PER3: variants seen among roughly 807,000 people sequenced by gnomAD.
PER3 encodes the protein period circadian regulator 3.
In PER3, 107 loss-of-function variants were observed where a neutral mutation model predicts 127.2. The observed-to-expected ratio is 0.84, with a 90% CI of 0.72 to 0.99. PER3 has a LOEUF of 0.99. Among genes scored for constraint, PER3 ranks in the 50% least tolerant of loss-of-function variants. The pLI is 0.00. For missense variants in PER3, 1,560 were observed against 1,525.8 expected (o/e 1.02, Z -0.37); for synonymous variants, 618 against 585.8 (o/e 1.05, Z -0.79).
chr1:7,786,421 T>C (rs1487137231), intron 3 of PER3, among the ~76,000 whole-genome samples: 1 of 152,242 alleles, frequency 6.6e-6, no homozygotes, highest in African/African-American at 2.4e-5. Context: ...TGTTCCTGAA[T>C]GACAGAGTAC....
intron 5 of PER3, among the ~76,000 whole-genome samples, chr1:7,791,251 CT>C (rs1367226883): frequency 7.2e-5 from 11 of 152,242 alleles, no homozygotes; most frequent in African/African-American, 2.7e-4. Context: ...CCTCTGAAAT[CT>C]AGGCAGAGGT....
chr1:7,794,655 A>G (rs1356372305), intron 6 of PER3, among the ~76,000 whole-genome samples: 1 of 152,100 alleles, frequency 6.6e-6, no homozygotes, highest in Non-Finnish European at 1.5e-5. Flanking sequence ...CACATTTAAA[A>G]TTAATTTTTG....
At chr1:7,802,963 T>A (rs1424465784) in intron 8 of PER3, 84 bp from the exon 9 acceptor site, 2 of 816,314 alleles carry the variant, frequency 2.5e-6, no homozygotes, top group Non-Finnish European at 4.4e-6. Context: ...GTCTCACATT[T>A]AGAATGAAAT....
At position 7,843,965 on chromosome 1, in the gene PER3, AAAC is replaced by A. The variant is rs1419828063; in HGVS notation, c.*1213_*1215del. On this transcript the variant is annotated 3_prime_UTR_variant, in exon 22 of 22. Transcript: ENST00000377532. ...AATTCACACCCCTGCAGATCAGAAAAAACAAATAGAAGAAAATGAGGGTTACAG... is the reference window on the plus strand; with the variant it reads ...AATTCACACCCCTGCAGATCAGAAAAAAATAGAAGAAAATGAGGGTTACAG... 7.8e-7 allele frequency: 1 copy of A among 1,274,386 alleles called. No homozygotes were observed. Among genetic ancestry groups the A allele is most frequent in the Admixed American group, 2.5e-5 (1 of 39,480 alleles). 78.9% of individuals were successfully genotyped at this position (1,274,386 alleles called of 1,614,324 possible).
At chr1:7,818,993 T>C (rs1019608263) in intron 13 of PER3, among the ~76,000 whole-genome samples, 2 of 152,264 alleles carry the variant, frequency 1.3e-5, no homozygotes, top group African/African-American at 2.4e-5. Flanking sequence ...CTTAAACCTA[T>C]GGTTTCATTC....
In PER3 at chr1:7,842,507, A is replaced by T. The variant is rs1483631366; in HGVS notation, c.3550-165A>T. ...ACCGCAAGACTCTGTCTCAAAAAAA[A>T]AAATAAAAATAGTTATAATAATAAT... On this transcript the variant is annotated intron_variant, in intron 21 of 21. Coordinates refer to ENST00000377532, the MANE Select transcript of PER3 (RefSeq NM_001377275.1). 4 of 502,484 alleles carry T rather than the reference A, an allele frequency of 8.0e-6. No homozygotes were observed. In the South Asian group the frequency reaches 2.6e-4, roughly 32 times the overall value. The allele number at this position is 502,484 out of a possible 1,614,324, so 31.1% of individuals were successfully genotyped here. A position where few individuals can be genotyped will look rare whatever the true frequency, so the allele number is the denominator to read the frequency against.
intron 13 of PER3, among the ~76,000 whole-genome samples, chr1:7,816,742 G>C (rs945698759): frequency 6.6e-6 from 1 of 152,206 alleles, no homozygotes; most frequent in African/African-American, 2.4e-5. Context: ...AAATTGTACA[G>C]CCACTTTGGG....
Position 7,835,953 on chromosome 1 carries a change from A to C in PER3, c.3398+8A>C. The stretch of plus-strand genomic sequence containing the variant: ...ATACCAGGTACCTGAGAGGTAAGAA[A>C]GCACTTTAGAAAACCCACTTTTTAT... On this transcript the variant is annotated splice_region_variant and intron_variant, in intron 20 of 21. Transcript: ENST00000377532. 1 of 1,544,332 alleles carries C rather than the reference A, an allele frequency of 6.5e-7. No individual in the cohort carries two copies. Among genetic ancestry groups the C allele is most frequent in the Non-Finnish European group, 8.8e-7 (1 of 1,137,902 alleles).
At chr1:7,796,261 T>C (rs916380698) in intron 6 of PER3, among the ~76,000 whole-genome samples, 5 of 152,008 alleles carry the variant, frequency 3.3e-5, no homozygotes, top group African/African-American at 7.2e-5. Flanking sequence ...GCTACAGGGT[T>C]ATCATTGCAT....
rs2097268344 is a variant in PER3, at chr1:7,819,986, A to T, written c.1659-129A>T. 1.3e-5 allele frequency: 11 copies of T among 876,732 alleles called. No homozygotes were observed. In the Middle Eastern group the frequency reaches 6.9e-4, roughly 55 times the overall value. 54.3% of individuals were successfully genotyped at this position (876,732 alleles called of 1,614,324 possible). On this transcript the variant is annotated intron_variant, in intron 14 of 21. Transcript: ENST00000377532. ...TCCAGTGATTGAGGCTGGGATGGTC[A>T]GGGAAGACTTTATCAAAGAAGAAAG...
chr1:7,824,820 T>C (rs1286222418), intron 16 of PER3, among the ~76,000 whole-genome samples: 1 of 152,196 alleles, frequency 6.6e-6, no homozygotes, highest in Non-Finnish European at 1.5e-5. Context: ...GTCTCTAGTC[T>C]GGCGGATGGG....
chr1:7,815,155 A>AG (rs2097241565), intron 13 of PER3, among the ~76,000 whole-genome samples: 1 of 152,206 alleles, frequency 6.6e-6, no homozygotes, highest in South Asian at 2.1e-4. Flanking sequence ...TGGAACAAAC[A>AG]GAAAACAGCT....
chr1:7,810,626 G>C, intron 13 of PER3, 38 bp downstream of exon 13: 2 of 1,581,958 alleles, frequency 1.3e-6, no homozygotes, highest in Non-Finnish European at 1.7e-6. Context: ...TCCTTCCATG[G>C]GCTGTCACTC....
rs2097362191 is a variant in PER3, at chr1:7,837,079, A to G, written c.3479A>G (p.Gln1160Arg). 4 of 1,614,012 alleles carry G rather than the reference A, an allele frequency of 2.5e-6. No individual in the cohort carries two copies. The highest frequency in any genetic ancestry group is 4.5e-5 in the East Asian group (2 of 44,872). ...CAGCAGCCCCAGTTTTCTCATGGGCAAAAGGAGGAGCTGGCTAAGGTGTAT... is the reference window on the plus strand; with the variant it reads ...CAGCAGCCCCAGTTTTCTCATGGGCGAAAGGAGGAGCTGGCTAAGGTGTAT... ...RQQQPQFSHGQKEELAKVYNW... is the reference protein window; with the variant it reads ...RQQQPQFSHGRKEELAKVYNW... Residue 1160 changes from glutamine (Q) to arginine (R), a missense_variant, in exon 21 of 22, where the codon CAA becomes CGA. Gln to Arg is a conservative substitution (Grantham distance 43, BLOSUM62 1). Around this residue, in one of 3 missense-constraint regions of PER3, gnomAD observed 199 missense variants for 198.6 expected, o/e 1.00. Transcript: ENST00000377532.
Position 7,837,152 on chromosome 1 carries a change from A to G in PER3, c.3549+3A>G, listed in dbSNP as rs759625150. ...TCACTCAAGAAATCGACATTCAAGT[A>G]AGCACAGTAATAATGGCTGTCATAT... is the stretch of plus-strand genomic sequence containing the variant. On this transcript the variant is annotated splice_donor_region_variant and intron_variant, in intron 21 of 21. Coordinates refer to ENST00000377532, the MANE Select transcript of PER3 (RefSeq NM_001377275.1). 1.9e-6 allele frequency: 3 copies of G among 1,612,564 alleles called. No homozygotes were observed. In the Admixed American group the frequency reaches 5.0e-5, roughly 27 times the overall value.
intron 8 of PER3, among the ~76,000 whole-genome samples, chr1:7,801,556 A>T (rs1558407087): frequency 6.6e-6 from 1 of 152,178 alleles, no homozygotes; most frequent in Non-Finnish European, 1.5e-5. Context: ...TTCTGGTGTT[A>T]TTTACACTTG....
intron 12 of PER3, 117 bp downstream of exon 12, chr1:7,810,138 G>T: frequency 9.8e-7 from 1 of 1,024,794 alleles, no homozygotes; most frequent in South Asian, 1.8e-5. Flanking sequence ...ACTGATAACA[G>T]ATATTTTCAT....
Position 7,798,532 on chromosome 1 carries a change from G to A in PER3, c.652G>A (p.Glu218Lys). The change falls in exon 7 of 22, where the codon GAA becomes AAA. Residue 218 changes from glutamate to lysine, a missense_variant. Transcript: ENST00000377532. ...TATCTTTAATCTCCTCAGTGGAGGT[G>A]AAGACAGAAAGCAAGAGAAGTGTCA... ...KPFFCRIRGG[E>K]DRKQEKCHSP... 2 of 1,613,674 alleles carry A rather than the reference G, an allele frequency of 1.2e-6. No homozygotes were observed. Among genetic ancestry groups the A allele is most frequent in the Non-Finnish European group, 1.7e-6 (2 of 1,179,628 alleles).
chr1:7,829,820 C>T lies in PER3; in HGVS notation c.2887-14C>T. On this transcript the variant is annotated splice_polypyrimidine_tract_variant and intron_variant, in intron 18 of 21. Coordinates refer to ENST00000377532, the MANE Select transcript of PER3 (RefSeq NM_001377275.1). ...GAAGATTAAAGTGTCTTTTCATGTG[C>T]CCTTACTTTCTAGCAGTGTGTTACA... is the stretch of plus-strand genomic sequence containing the variant. 6.3e-7 allele frequency: 1 copy of T among 1,595,232 alleles called. No individual in the cohort carries two copies. Among genetic ancestry groups the T allele is most frequent in the Non-Finnish European group, 8.6e-7 (1 of 1,163,526 alleles).
Sources: allele counts gnomAD v4.1 joint callset (sites outside exome capture counted in the v4.1 genomes callset), GRCh38; gene constraint gnomAD v4.1.1; regional missense constraint gnomAD v4.1.1; transcripts MANE v1.5; gene names NCBI Gene and HGNC (gene_info 2026-07-23, HGNC 2026-07-21).